ST7: variants seen among roughly 807,000 people sequenced by gnomAD.
ST7 encodes the protein suppression of tumorigenicity 7.
Under a neutral mutation model 78.7 loss-of-function variants are expected in ST7, and 28 were observed. That is an observed-to-expected ratio of 0.36 (90% confidence interval 0.26 to 0.49). The LOEUF (loss-of-function observed/expected upper bound fraction) is 0.49. Among genes scored for constraint, ST7 ranks in the 20% least tolerant of loss-of-function variants. The pLI is 0.99. For synonymous variants in ST7, 247 were observed against 249.6 expected (o/e 0.99, Z 0.10); for missense variants, 418 against 696.0 (o/e 0.60, Z 4.49).
intron 8 of ST7, 32 bp downstream of exon 8, chr7:117,136,267 G>T (rs775748097): frequency 1.2e-6 from 2 of 1,613,034 alleles, no homozygotes; most frequent in East Asian, 2.2e-5. Flanking sequence ...TGCATTGGGG[G>T]ATCAGAATTG....
At chr7:117,221,819 T>G (rs1407137134) in intron 14 of ST7, 104 bp from the exon 15 acceptor site, 1 of 1,311,844 alleles carries the variant, frequency 7.6e-7, no homozygotes, top group Non-Finnish European at 1.0e-6. Flanking sequence ...TCCCATAGGC[T>G]TCCAACTCTT....
At chr7:117,113,228 A>G (rs894924858) in intron 2 of ST7, among the ~76,000 whole-genome samples, 2 of 152,242 alleles carry the variant, frequency 1.3e-5, no homozygotes, top group Non-Finnish European at 2.9e-5. Context: ...TGACTTACCT[A>G]CGAAACTTTG....
At chr7:117,033,704 G>A (rs377306174) in intron 1 of ST7, among the ~76,000 whole-genome samples, 5 of 152,140 alleles carry the variant, frequency 3.3e-5, no homozygotes, top group East Asian at 3.9e-4. Flanking sequence ...GATTACAGGC[G>A]TGAGCCAGCA....
chr7:117,230,047 T>C lies in ST7; in HGVS notation c.*190T>C. The C allele has an allele frequency of 1.4e-6, 1 of 726,734 alleles. No individual in the cohort carries two copies. The highest frequency in any genetic ancestry group is 1.5e-5 in the South Asian group (1 of 67,644). The allele number at this position is 726,734 out of a possible 1,614,324, so 45.0% of individuals were successfully genotyped here. A position where few individuals can be genotyped will look rare whatever the true frequency, so the allele number is the denominator to read the frequency against. Reference sequence around the variant, plus strand: ...AATTCACTGATGTTCAGTTCTATTTTATTTTGCCTTCAGAAAAGAAGAAAG... The same window carrying C: ...AATTCACTGATGTTCAGTTCTATTTCATTTTGCCTTCAGAAAAGAAGAAAG... On this transcript the variant is annotated 3_prime_UTR_variant, in exon 16 of 16. Transcript: ENST00000323984.
chr7:117,186,063 C>T (rs1303471841), intron 10 of ST7, among the ~76,000 whole-genome samples: 1 of 152,220 alleles, frequency 6.6e-6, no homozygotes, highest in East Asian at 1.9e-4. Context: ...ACTTACTACA[C>T]ACTGTGGCCA....
At chr7:117,050,998 A>C (rs923071972) in intron 1 of ST7, among the ~76,000 whole-genome samples, 4 of 152,180 alleles carry the variant, frequency 2.6e-5, no homozygotes, top group African/African-American at 9.6e-5. Flanking sequence ...ATTTTTGTAA[A>C]TCTCCAAATT....
chr7:116,975,825 G>A (rs982638402), intron 1 of ST7, among the ~76,000 whole-genome samples: 1 of 152,032 alleles, frequency 6.6e-6, no homozygotes, highest in Non-Finnish European at 1.5e-5. Context: ...AGATCTGATT[G>A]GTCTGAGAAC....
chr7:117,060,464 A>G (rs1798292787), intron 1 of ST7, among the ~76,000 whole-genome samples: 1 of 152,198 alleles, frequency 6.6e-6, no homozygotes, highest in Admixed American at 6.5e-5. Flanking sequence ...CAATCTTATC[A>G]AGTCATTACA....
At chr7:117,061,709 A>ATG (rs1280032971) in intron 1 of ST7, among the ~76,000 whole-genome samples, 1 of 152,200 alleles carries the variant, frequency 6.6e-6, no homozygotes, top group Admixed American at 6.5e-5. Flanking sequence ...TTATATATAT[A>ATG]TAAGGGTAAT....
chr7:117,027,413 C>G (rs750383252), intron 1 of ST7, among the ~76,000 whole-genome samples: 10 of 93,100 alleles, frequency 1.1e-4, no homozygotes, highest in Non-Finnish European at 2.2e-4. Flanking sequence ...GCACTCCAGC[C>G]TGGGCAACAG....
intron 1 of ST7, among the ~76,000 whole-genome samples, chr7:117,091,917 A>G (rs1192014633): frequency 2.0e-5 from 3 of 152,040 alleles, no homozygotes; most frequent in African/African-American, 7.2e-5. Flanking sequence ...TTCCAGTCTC[A>G]CTCAGGCTGT....
chr7:116,966,137 G>T, intron 1 of ST7: 1 of 461,178 alleles, frequency 2.2e-6, no homozygotes, highest in South Asian at 1.6e-5. Context: ...AAAAACAAAA[G>T]ATATAAAAAT....
chr7:116,994,151 C>A (rs1230937183), intron 1 of ST7, among the ~76,000 whole-genome samples: 1 of 152,170 alleles, frequency 6.6e-6, no homozygotes, highest in Non-Finnish European at 1.5e-5. Context: ...CCCATTCCAC[C>A]AACTCCTCCT....
At chr7:117,112,563 G>T (rs1433174724) in intron 2 of ST7, 1 of 152,222 alleles carries the variant, frequency 6.6e-6, no homozygotes, top group Non-Finnish European at 1.5e-5. Context: ...GTTGAAGATT[G>T]CTATGTCTCC....
At chr7:117,052,735 A>T (rs1486316506) in intron 1 of ST7, among the ~76,000 whole-genome samples, 2 of 152,246 alleles carry the variant, frequency 1.3e-5, no homozygotes, top group African/African-American at 4.8e-5. Context: ...TCTACTAAAA[A>T]TACAAAAAAT....
intron 1 of ST7, among the ~76,000 whole-genome samples, chr7:116,961,804 A>C (rs1412289430): frequency 6.6e-6 from 1 of 151,542 alleles, no homozygotes; most frequent in Admixed American, 6.6e-5. Context: ...TCTGGGATAC[A>C]AGTGCAGAAT....
At chr7:117,089,230 G>C (rs927656128) in intron 1 of ST7, among the ~76,000 whole-genome samples, 5 of 152,262 alleles carry the variant, frequency 3.3e-5, no homozygotes, top group Middle Eastern at 3.4e-3. Flanking sequence ...AAAACCTAGA[G>C]CTCCTTGAGG....
At chr7:117,057,267 A>C (rs1422933273) in intron 1 of ST7, among the ~76,000 whole-genome samples, 2 of 152,206 alleles carry the variant, frequency 1.3e-5, no homozygotes, top group Non-Finnish European at 2.9e-5. Context: ...CATATATCTG[A>C]AAGTGACTTT....
In ST7 at chr7:116,953,665, T is replaced by C; in HGVS notation, c.125T>C (p.Leu42Ser). The C allele has an allele frequency of 6.7e-7, 1 of 1,497,318 alleles. No homozygotes were observed. Among genetic ancestry groups the C allele is most frequent in the Non-Finnish European group, 9.0e-7 (1 of 1,109,936 alleles). The allele number at this position is 1,497,318 out of a possible 1,614,324, so 92.8% of individuals were successfully genotyped here. A position where few individuals can be genotyped will look rare whatever the true frequency, so the allele number is the denominator to read the frequency against. Residue 42 changes from leucine to serine, a missense_variant, in exon 1 of 16, where the codon TTG becomes TCG. Transcript: ENST00000323984. ...LFLVYILRVP[L>S]KINDNLSTVS... ...CTGGTCTACATCCTGCGGGTGCCTT[T>C]GAAAATCAACGACAACTTGAGCACA...
Sources: gnomAD v4.1 joint callset for allele counts (sites outside exome capture counted in the v4.1 genomes callset) on GRCh38, gnomAD v4.1.1 for gene constraint, MANE v1.5 for transcripts, NCBI Gene and HGNC (gene_info 2026-07-23, HGNC 2026-07-21) for gene names.